ZNF544: variants seen among roughly 807,000 people sequenced by gnomAD.
ZNF544 encodes zinc finger protein AF020591.
A neutral mutation model predicts 13.5 loss-of-function variants in ZNF544; 10 were observed. The observed-to-expected ratio is 0.74, with a 90% CI of 0.46 to 1.25. ZNF544 has a LOEUF of 1.25. Ranked by LOEUF, ZNF544 falls within the 50% of genes most tolerant of loss-of-function variation. ZNF544 has a pLI of 0.00. For synonymous variants in ZNF544, 323 were observed against 300.5 expected (o/e 1.07, Z -0.77); for missense variants, 896 against 845.6 (o/e 1.06, Z -0.74).
rs779187283 is a variant in ZNF544, at chr19:58,262,295, C to T, written c.1689C>T (p.Leu563=). The T allele has an allele frequency of 1.1e-4, 174 of 1,613,804 alleles. No individual in the cohort carries two copies. The highest frequency in any genetic ancestry group is 1.4e-4 in the Non-Finnish European group (161 of 1,179,988). Residue 563 remains leucine, a synonymous_variant, in exon 7 of 7, where the codon CTC becomes CTT. Transcript: ENST00000687789. ...CGKSFRWNSN[L]VIHQRIHTGE... ...AATCCTTCAGATGGAACTCTAACCT[C>T]GTCATACATCAGAGAATTCATACTG...
chr19:58,247,616 G>C (rs1294807654), intron 6 of ZNF544: 2 of 150,800 alleles, frequency 1.3e-5, no homozygotes, highest in Non-Finnish European at 3.0e-5. Flanking sequence ...GGCTGGTCTC[G>C]AACTCCCGAC....
chr19:58,248,412 T>G (rs1330695911), intron 6 of ZNF544, among the ~76,000 whole-genome samples: 1 of 151,740 alleles, frequency 6.6e-6, no homozygotes, highest in East Asian at 1.9e-4. Flanking sequence ...TAAAAATTTT[T>G]TGTAGAGATG....
chr19:58,255,134 C>T lies in ZNF544; in HGVS notation c.245-5717C>T, dbSNP rs200645538. 3.8e-4 allele frequency among the ~76,000 whole-genome samples: 58 copies of T among 151,740 alleles called. No homozygotes were observed. In the East Asian group the frequency reaches 0.011, roughly 28 times the overall value. On this transcript the variant is annotated intron_variant, in intron 6 of 6. Coordinates refer to ENST00000687789, the MANE Select transcript of ZNF544 (RefSeq NM_014480.4). ...CGATCTCCTGACCTCGTGATCTACC[C>T]GCCTCAGCCTCCCAAAGTGCTGGGA... is the stretch of plus-strand genomic sequence containing the variant.
intron 1 of ZNF544, 182 bp from the exon 2 acceptor site, chr19:58,229,285 CT>C (rs2040647046): frequency 7.4e-5 from 1 of 13,580 alleles, no homozygotes; most frequent in African/African-American, 2.5e-4. Context: ...CTGGGTGGGA[CT>C]GGGTGGGACT....
intron 5 of ZNF544, among the ~76,000 whole-genome samples, chr19:58,276,046 T>C (rs1225198507): frequency 6.6e-6 from 1 of 152,016 alleles, no homozygotes; most frequent in Non-Finnish European, 1.5e-5. Context: ...GTGTGGTGGC[T>C]CTCACCTGTG....
chr19:58,230,344 C>T (rs1362036471), intron 2 of ZNF544, 50 bp from the exon 3 acceptor site: 2 of 152,228 alleles, frequency 1.3e-5, no homozygotes, highest in African/African-American at 2.4e-5. Context: ...AAATGCAACT[C>T]AATTAATTCT....
chr19:58,244,405 C>A (rs1295223190), intron 4 of ZNF544, among the ~76,000 whole-genome samples: 1 of 151,992 alleles, frequency 6.6e-6, no homozygotes, highest in Non-Finnish European at 1.5e-5. Flanking sequence ...CTCACGGACA[C>A]CCCTGGCTGG....
exon 7 of ZNF544, chr19:58,277,252 GC>G (rs5828755): frequency 9.1e-7 from 1 of 1,098,108 alleles, no homozygotes; most frequent in Non-Finnish European, 1.1e-6. Flanking sequence ...GCCAGCTTGA[GC>G]CCTCAGGAGT....
At chr19:58,268,003 G>A (rs7253357), downstream of ZNF544, among the ~76,000 whole-genome samples, 83,344 of 151,324 alleles carry the variant, frequency 0.55, 23,308 homozygotes, top group Middle Eastern at 0.66. Flanking sequence ...AGGGTTACCA[G>A]TAAAAAATAA....
chr19:58,275,253 C>G (rs1344191974), intron 5 of ZNF544, among the ~76,000 whole-genome samples: 7 of 152,146 alleles, frequency 4.6e-5, no homozygotes, highest in African/African-American at 1.4e-4. Flanking sequence ...TGCCTTTCTG[C>G]TTACTCTGAC....
chr19:58,273,584 G>A (rs2050927230), intron 5 of ZNF544, among the ~76,000 whole-genome samples: 1 of 151,530 alleles, frequency 6.6e-6, no homozygotes, highest in Non-Finnish European at 1.5e-5. Context: ...CAGCTATTTG[G>A]GAGGATGAGG....
intron 5 of ZNF544, among the ~76,000 whole-genome samples, chr19:58,272,165 A>G (rs947160874): frequency 6.1e-4 from 22 of 36,042 alleles, no homozygotes; most frequent in Admixed American, 1.5e-3. Flanking sequence ...CTTGACAGGA[A>G]AAAAAAAAAA....
At chr19:58,250,575 G>A (rs373209566) in intron 6 of ZNF544, among the ~76,000 whole-genome samples, 1 of 152,140 alleles carries the variant, frequency 6.6e-6, no homozygotes, top group Admixed American at 6.5e-5. Flanking sequence ...AATCTCTAGG[G>A]TGTAGTTACA....
intron 3 of ZNF544, among the ~76,000 whole-genome samples, chr19:58,233,922 C>G (rs1399598939): frequency 6.6e-6 from 1 of 152,194 alleles, no homozygotes; most frequent in Non-Finnish European, 1.5e-5. Flanking sequence ...AAGATATAAA[C>G]TTTCCCAAGT....
rs1181835768 is a variant in ZNF544, at chr19:58,241,179, A to ATATATATATAT, written c.-59-2785_-59-2784insATATATATATT. Among the ~76,000 whole-genome samples, 31 of 72,722 alleles carry ATATATATATAT rather than the reference A, an allele frequency of 4.3e-4. 1 individual carries two copies. In the East Asian group the frequency reaches 4.9e-3, roughly 11 times the overall value. The allele number at this position is 72,722 out of a possible 152,430, so 47.7% of individuals were successfully genotyped here. On this transcript the variant is annotated intron_variant, in intron 3 of 6. Coordinates refer to ENST00000687789, the MANE Select transcript of ZNF544 (RefSeq NM_014480.4). ...TATATTTAAATATATATATATATAT[A>ATATATATATAT]TTTTTTTTTTTTTGTAGAGATAGGG...
At chr19:58,274,202 A>G (rs1225430541) in intron 5 of ZNF544, among the ~76,000 whole-genome samples, 1 of 152,112 alleles carries the variant, frequency 6.6e-6, no homozygotes, top group Admixed American at 6.5e-5. Flanking sequence ...AATCTATTCT[A>G]TGTTAATATA....
downstream of ZNF544, among the ~76,000 whole-genome samples, chr19:58,268,775 G>A (rs1461589067): frequency 1.3e-5 from 2 of 152,226 alleles, no homozygotes; most frequent in East Asian, 1.9e-4. Context: ...AAGCTGGAAC[G>A]TGACCATGAG....
rs2042374938 is a variant in ZNF544 at position 58,236,355 on chromosome 19, C to T, written c.-60+5893C>T. Among the ~76,000 whole-genome samples, 5 of 151,446 alleles carry T rather than the reference C, an allele frequency of 3.3e-5. No homozygotes were observed. In the South Asian group the frequency reaches 8.4e-4, roughly 25 times the overall value. On this transcript the variant is annotated intron_variant, in intron 3 of 6. Coordinates refer to ENST00000687789, the MANE Select transcript of ZNF544 (RefSeq NM_014480.4). The stretch of plus-strand genomic sequence containing the variant: ...TCTCTGCTTAAAATACAAAATTAGC[C>T]AGGGTGGTGGCGCATACCTGTAATC...
chr19:58,262,592 T>C lies in ZNF544; in HGVS notation c.1986T>C (p.Cys662=), dbSNP rs376197361. 12 of 1,614,074 alleles carry C rather than the reference T, an allele frequency of 7.4e-6. No individual in the cohort carries two copies. Among genetic ancestry groups the C allele is most frequent in the Non-Finnish European group, 1.0e-5 (12 of 1,180,042 alleles). Residue 662 remains cysteine (C), a synonymous_variant, in exon 7 of 7, where the codon TGT becomes TGC. Transcript: ENST00000687789. ...RTHTGEKPFE[C]SQCGKAFSGS... ...ACACTGGTGAGAAACCTTTTGAGTG[T>C]AGTCAGTGTGGGAAAGCCTTTTCAG... is the stretch of plus-strand genomic sequence containing the variant.
Sources: allele counts gnomAD v4.1 joint callset (sites outside exome capture counted in the v4.1 genomes callset), GRCh38; gene constraint gnomAD v4.1.1; transcripts MANE v1.5; gene names NCBI Gene and HGNC (gene_info 2026-07-23, HGNC 2026-07-21).